The following DGKQ variants were observed in gnomAD, a reference collection of about 807,000 sequenced individuals.
DGKQ encodes DAG kinase theta.
Under a neutral mutation model 104.2 loss-of-function variants are expected in DGKQ, and 97 were observed. The ratio of observed to expected loss-of-function variants is 0.93; its 90% CI spans 0.79 to 1.10. DGKQ has a LOEUF of 1.10. Among genes scored for constraint, DGKQ ranks in the 50% least tolerant of loss-of-function variants. The pLI is 0.00. For missense variants in DGKQ, 1,465 were observed against 1,352.1 expected (o/e 1.08, Z -1.31); for synonymous variants, 736 against 595.2 (o/e 1.24, Z -3.44).
In DGKQ at chr4:967,978, C is replaced by CG. The variant is rs1197869628; in HGVS notation, c.712dup (p.Arg238ProfsTer67). The stretch of plus-strand genomic sequence containing the variant: ...GGGAGGCAGGACCAGGGAGCGCAGA[C>CG]GCCCGAAGCCACACTCGGGAGCCAG... On this transcript the variant is annotated frameshift_variant, in exon 6 of 23. Coordinates refer to ENST00000273814, the MANE Select transcript of DGKQ (RefSeq NM_001347.4). LOFTEE classifies it high-confidence loss of function. The CG allele has an allele frequency of 4.1e-6, 6 of 1,477,726 alleles. No individual in the cohort carries two copies. The highest frequency in any genetic ancestry group is 2.5e-5 in the Admixed American group (1 of 40,430). 91.5% of individuals were successfully genotyped at this position (1,477,726 alleles called of 1,614,324 possible).
chr4:966,016 C>A lies in DGKQ; in HGVS notation c.1491G>T (p.Pro497=). 1.2e-6 allele frequency: 2 copies of A among 1,604,884 alleles called. No homozygotes were observed. Among genetic ancestry groups the A allele is most frequent in the Non-Finnish European group, 1.7e-6 (2 of 1,176,700 alleles). Residue 497 remains proline, a synonymous_variant, in exon 13 of 23, where the codon CCG becomes CCT. Coordinates refer to ENST00000273814, the MANE Select transcript of DGKQ (RefSeq NM_001347.4). ...GGCCGCCAACAAACAGGGAGACGTG[C>A]GGGGCTACATCCCTGCTCTCTGCCA... ...FYVAESRDVA[P]HVSLFVGGLP...
intron 15 of DGKQ, among the ~76,000 whole-genome samples, chr4:964,296 C>T (rs1712121288): frequency 6.6e-6 from 1 of 152,218 alleles, no homozygotes; most frequent in African/African-American, 2.4e-5. Flanking sequence ...ACAACTCATT[C>T]TGCTCGAGTT....
rs945032618 is a variant in DGKQ at position 961,302 on chromosome 4, G to A, written c.2575-101C>T. ...GGCCAGCCGAGCAGGGACCAGGGAC[G>A]CCCACCCTGGACCTGGCCCTGGGGC... On this transcript the variant is annotated intron_variant, in intron 21 of 22. Coordinates refer to ENST00000273814, the MANE Select transcript of DGKQ (RefSeq NM_001347.4). 5.0e-5 allele frequency: 63 copies of A among 1,267,258 alleles called. No homozygotes were observed. In the East Asian group the frequency reaches 5.2e-4, roughly 10 times the overall value. 78.5% of individuals were successfully genotyped at this position (1,267,258 alleles called of 1,614,324 possible).
At chr4:960,851 C>T in intron 22 of DGKQ, 130 bp from the exon 23 acceptor site, 4 of 1,483,982 alleles carry the variant, frequency 2.7e-6, no homozygotes, top group Non-Finnish European at 3.6e-6. Context: ...AGGGGAGGGA[C>T]CTGTCTGGCT....
intron 17 of DGKQ, 31 bp downstream of exon 17, chr4:962,741 G>A: frequency 6.3e-7 from 1 of 1,598,902 alleles, no homozygotes; most frequent in South Asian, 1.1e-5. Context: ...AGACCCTGAG[G>A]CCCCCTCCTC....
Position 965,286 on chromosome 4 carries a change from C to T in DGKQ, c.1624G>A (p.Val542Ile), listed in dbSNP as rs753933972. The stretch of plus-strand genomic sequence containing the variant: ...GCAAAGCAGGCAACGTCCAACACTA[C>T]CGCGCCTGCGGCAGGAGCCCAGGAC... ...VSHIYSSQGA[V>I]VLDVACFAEA... Residue 542 changes from valine (V) to isoleucine (I), a missense_variant, in exon 15 of 23, where the codon GTA (valine) becomes ATA (isoleucine). Transcript: ENST00000273814. 13 of 1,612,392 alleles carry T rather than the reference C, an allele frequency of 8.1e-6. No individual in the cohort carries two copies. In the East Asian group the frequency reaches 2.7e-4, roughly 33 times the overall value.
chr4:967,917 C>G lies in DGKQ; in HGVS notation c.774G>C (p.Lys258Asn). The G allele has an allele frequency of 1.4e-6, 2 of 1,463,116 alleles. No homozygotes were observed. Among genetic ancestry groups the G allele is most frequent in the South Asian group, 2.8e-5 (2 of 72,406 alleles). The allele number at this position is 1,463,116 out of a possible 1,614,324, so 90.6% of individuals were successfully genotyped here. A position where few individuals can be genotyped will look rare whatever the true frequency, so the allele number is the denominator to read the frequency against. Residue 258 changes from lysine (K) to asparagine (N), a missense_variant, in exon 6 of 23, where the codon AAG becomes AAC. Coordinates refer to ENST00000273814, the MANE Select transcript of DGKQ (RefSeq NM_001347.4). ...CCTCCACGATGCGGAAGCTCTGCGTCTTGCTGAAGCCGCCGGGCAGAAGGC... is the reference window on the plus strand; with the variant it reads ...CCTCCACGATGCGGAAGCTCTGCGTGTTGCTGAAGCCGCCGGGCAGAAGGC... ...CVRLLPGGFS[K>N]TQSFRIVEAA...
In DGKQ at chr4:959,569, G is replaced by GGCTGCAGGAGC. The variant is rs1711722280; in HGVS notation, c.*1040_*1050dup. On this transcript the variant is annotated 3_prime_UTR_variant, in exon 23 of 23. Transcript: ENST00000273814. ...CTGTCTGGGGGCGTGGGAGCAGGAG[G>GGCTGCAGGAGC]GCTGCAGGAGCTGGGTCTCCACACG... is the stretch of plus-strand genomic sequence containing the variant. The GGCTGCAGGAGC allele has an allele frequency of 1.3e-5, 2 of 152,518 alleles. No homozygotes were observed. Among genetic ancestry groups the GGCTGCAGGAGC allele is most frequent in the Admixed American group, 6.5e-5 (1 of 15,288 alleles). The allele number at this position is 152,518 out of a possible 1,614,324, so 9.4% of individuals were successfully genotyped here.
At chr4:970,821 C>G (rs1282733920) in intron 2 of DGKQ, among the ~76,000 whole-genome samples, 172 bp downstream of exon 2, 1 of 152,228 alleles carries the variant, frequency 6.6e-6, no homozygotes, top group East Asian at 1.9e-4. Flanking sequence ...CCATCATTCC[C>G]TGCAGATCCA....
rs200299925 is a variant in DGKQ, at chr4:965,309, G to A, written c.1619-18C>T. ...TACCGCGCCTGCGGCAGGAGCCCAG[G>A]ACTCAGGGGGAGCCTGTCCCATGGC... On this transcript the variant is annotated intron_variant, in intron 14 of 22. Coordinates refer to ENST00000273814, the MANE Select transcript of DGKQ (RefSeq NM_001347.4). 1.1e-5 allele frequency: 17 copies of A among 1,608,298 alleles called. No homozygotes were observed. The East Asian group carries it at 3.6e-4, about 34-fold the overall frequency.
At position 971,005 on chromosome 4, in the gene DGKQ, G is replaced by T; in HGVS notation, c.339C>A (p.Pro113=). The part of the protein sequence containing the change: ...HVRIPCTSVA[P]SLVRVPVAHC... ...GCCCCACACTCACCCGGACCAGGCT[G>T]GGTGCCACACTCGTGCACGGGATCC... The change falls in exon 2 of 23, where the codon CCC becomes CCA. Residue 113 remains proline, a synonymous_variant. Transcript: ENST00000273814. This position sits in a 1 kb window ranked among gnomAD's most constrained non-coding sequence, Gnocchi z 4.0. 6.4e-7 allele frequency: 1 copy of T among 1,552,200 alleles called. No individual in the cohort carries two copies. The highest frequency in any genetic ancestry group is 1.2e-5 in the South Asian group (1 of 84,110).
rs1470511834 is a variant in DGKQ, at chr4:968,308, C to T, written c.637G>A (p.Val213Met). 4.6e-6 allele frequency: 7 copies of T among 1,527,200 alleles called. No individual in the cohort carries two copies. The South Asian group carries it at 8.4e-5, about 18-fold the overall frequency. 94.6% of individuals were successfully genotyped at this position (1,527,200 alleles called of 1,614,324 possible). The change falls in exon 5 of 23, where the codon GTG (valine) becomes ATG (methionine). Residue 213 changes from valine to methionine, a missense_variant. Physicochemically the swap from Val to Met is conservative, Grantham distance 21 (BLOSUM62 1). Coordinates refer to ENST00000273814, the MANE Select transcript of DGKQ (RefSeq NM_001347.4). ...TGGACCCCGCACCACTCGCAGCGCA[C>T]GCCGGCCAGCACGTCAGAGGAGCCG... ...TCGSSDVLAG[V>M]RCEWCGVQAH...
chr4:962,046 C>T lies in DGKQ; in HGVS notation c.2251G>A (p.Asp751Asn), dbSNP rs1711927662. 5 of 1,612,898 alleles carry T rather than the reference C, an allele frequency of 3.1e-6. No homozygotes were observed. Among genetic ancestry groups the T allele is most frequent in the Non-Finnish European group, 4.2e-6 (5 of 1,179,946 alleles). The change falls in exon 19 of 23, where the codon GAC becomes AAC. Residue 751 changes from aspartate (D) to asparagine (N), a missense_variant. Coordinates refer to ENST00000273814, the MANE Select transcript of DGKQ (RefSeq NM_001347.4). ...QMSNYCGIGI[D>N]AELSLDFHQA... is the part of the protein sequence containing the mutation. ...TGGAAGTCCAGGCTCAGCTCCGCGT[C>T]GATGCCAATGCCACAGTAGTTACTC... is the stretch of plus-strand genomic sequence containing the variant.
At chr4:966,893 G>A in intron 10 of DGKQ, 71 bp downstream of exon 10, 2 of 1,551,918 alleles carry the variant, frequency 1.3e-6, no homozygotes, top group Non-Finnish European at 1.7e-6. Context: ...TGGGATGGTG[G>A]CCTGGCCTCC....
chr4:965,144 T>C, intron 15 of DGKQ, 32 bp downstream of exon 15: 1 of 1,584,874 alleles, frequency 6.3e-7, no homozygotes, highest in Non-Finnish European at 8.7e-7. Context: ...CCCCCTGGGG[T>C]GTGTGAAGAG....
In DGKQ at chr4:961,930, G is replaced by A. The variant is rs779270361; in HGVS notation, c.2315+52C>T. 15 of 1,609,336 alleles carry A rather than the reference G, an allele frequency of 9.3e-6. No homozygotes were observed. The East Asian group carries it at 1.3e-4, about 14-fold the overall frequency. ...GCCCCTCTGCCTGTTCCTGCTGGGG[G>A]ACCTGAGGGAGGTATGCCGTTGACA... is the stretch of plus-strand genomic sequence containing the variant. On this transcript the variant is annotated intron_variant, in intron 19 of 22. Transcript: ENST00000273814.
intron 20 of DGKQ, 54 bp downstream of exon 20, chr4:961,634 G>C: frequency 6.2e-7 from 1 of 1,610,698 alleles, no homozygotes; most frequent in Non-Finnish European, 8.5e-7. Flanking sequence ...CGAGGGCTGA[G>C]CCTGCCCATG....
At chr4:972,855 G>A (rs1002850969) in intron 1 of DGKQ, among the ~76,000 whole-genome samples, 4 of 152,238 alleles carry the variant, frequency 2.6e-5, no homozygotes, top group Admixed American at 1.3e-4. Flanking sequence ...AAGGGCTAGG[G>A]CCAGGGGCCC....
chr4:968,256 C>A, intron 5 of DGKQ, 26 bp downstream of exon 5: 1 of 1,282,498 alleles, frequency 7.8e-7, no homozygotes, highest in Non-Finnish European at 1.1e-6. Context: ...GCCCCACCCC[C>A]ACCCCCTCGA....
Sources: gnomAD v4.1 joint callset for allele counts (sites outside exome capture counted in the v4.1 genomes callset) on GRCh38, gnomAD v4.1.1 for gene constraint, Gnocchi (gnomAD v3.1) non-coding constraint, MANE v1.5 for transcripts, NCBI Gene and HGNC (gene_info 2026-07-23, HGNC 2026-07-21) for gene names.